Variants in DPYS observed in about 807,000 individuals in gnomAD.
DPYS encodes the protein dihydropyrimidine amidohydrolase.
DPYS carries 39 observed loss-of-function variants against 50.3 expected under a neutral mutation model. The ratio of observed to expected loss-of-function variants is 0.78; its 90% CI spans 0.60 to 1.01. The LOEUF is 1.01. DPYS is among the 50% of genes least tolerant of loss of function. DPYS has a pLI of 0.00. For missense variants in DPYS, 659 were observed against 680.9 expected (o/e 0.97, Z 0.36); for synonymous variants, 245 against 250.7 (o/e 0.98, Z 0.22).
At chr8:104,414,694 C>A (rs2333874) in intron 7 of DPYS, among the ~76,000 whole-genome samples, 105,466 of 151,960 alleles carry the variant, frequency 0.69, 37,281 homozygotes, top group African/African-American at 0.8. Context: ...GTACAATAAG[C>A]ATATAAGGAC....
intron 7 of DPYS, among the ~76,000 whole-genome samples, chr8:104,423,244 C>T (rs1305947172): frequency 2.6e-5 from 4 of 152,092 alleles, no homozygotes; most frequent in Non-Finnish European, 5.9e-5. Flanking sequence ...GCTATGACTA[C>T]GGCCTGCCAA....
intron 8 of DPYS, among the ~76,000 whole-genome samples, chr8:104,390,499 CTT>C (rs551429478): frequency 9.2e-5 from 13 of 141,680 alleles, no homozygotes; most frequent in Non-Finnish European, 1.4e-4. Flanking sequence ...TTCTCTTTAA[CTT>C]TTTTTTTTTT....
chr8:104,379,794 A>G lies in DPYS; in HGVS notation c.*64T>C, dbSNP rs1181422640. The stretch of plus-strand genomic sequence containing the variant: ...AGGCCTGCTTCTCCATGGGTTGACA[A>G]TGTTTGGCTGTGAAGGGAATGGCAG... On this transcript the variant is annotated 3_prime_UTR_variant, in exon 10 of 10. Transcript: ENST00000351513. The G allele has an allele frequency of 6.6e-6, 3 of 456,584 alleles. No homozygotes were observed. The highest frequency in any genetic ancestry group is 7.0e-5 in the East Asian group (1 of 14,384). The allele number at this position is 456,584 out of a possible 1,614,324, so 28.3% of individuals were successfully genotyped here. A position where few individuals can be genotyped will look rare whatever the true frequency, so the allele number is the denominator to read the frequency against.
intron 7 of DPYS, among the ~76,000 whole-genome samples, chr8:104,408,835 T>TA (rs1227147724): frequency 6.6e-6 from 1 of 150,952 alleles, no homozygotes; most frequent in Non-Finnish European, 1.5e-5. Flanking sequence ...TTTTTTGAGA[T>TA]AGAGTTTCAC....
At chr8:104,384,864 T>C (rs966509181) in intron 8 of DPYS, among the ~76,000 whole-genome samples, 1 of 152,224 alleles carries the variant, frequency 6.6e-6, no homozygotes. Context: ...TTTTCTCGCC[T>C]TCTGGGACTC....
intron 7 of DPYS, among the ~76,000 whole-genome samples, chr8:104,418,342 T>C (rs1812434288): frequency 6.6e-6 from 1 of 152,164 alleles, no homozygotes; most frequent in Non-Finnish European, 1.5e-5. Context: ...CATCTAATGG[T>C]GTGAGACAAA....
intron 3 of DPYS, among the ~76,000 whole-genome samples, chr8:104,445,795 G>C (rs989655236): frequency 3.3e-5 from 5 of 152,138 alleles, no homozygotes; most frequent in African/African-American, 1.2e-4. Flanking sequence ...CCTGTAATCC[G>C]AGCACTTTGG....
At chr8:104,415,927 ACTAT>A (rs1237925135) in intron 7 of DPYS, among the ~76,000 whole-genome samples, 5 of 152,270 alleles carry the variant, frequency 3.3e-5, no homozygotes, top group Admixed American at 1.3e-4. Context: ...ACCTACTACT[ACTAT>A]CTATTACCAC....
Position 104,381,280 on chromosome 8 carries a change from T to C in DPYS, c.1478A>G (p.Tyr493Cys). ...CTPTPVERAP[Y>C]KGEVATLKSR... is the part of the protein sequence containing the mutation. ...TTTCAGTGTGGCGACTTCTCCCTTA[T>C]AGGGTGCACGCTCCACAGGGGTAGG... Residue 493 changes from tyrosine (Y) to cysteine (C), a missense_variant, in exon 9 of 10, where the codon TAT becomes TGT. By Grantham distance (194) the Tyr-to-Cys change is radical. Coordinates refer to ENST00000351513, the MANE Select transcript of DPYS (RefSeq NM_001385.3). 3.1e-6 allele frequency: 5 copies of C among 1,614,206 alleles called. No homozygotes were observed. The highest frequency in any genetic ancestry group is 1.1e-5 in the South Asian group (1 of 91,086).
intron 2 of DPYS, among the ~76,000 whole-genome samples, chr8:104,448,921 C>T (rs946354619): frequency 6.6e-6 from 1 of 152,192 alleles, no homozygotes; most frequent in Non-Finnish European, 1.5e-5. Context: ...ACTTGCTGAT[C>T]ACCTGTCGGC....
At chr8:104,429,485 T>C (rs1314610822) in intron 5 of DPYS, 60 bp downstream of exon 5, 1 of 1,610,308 alleles carries the variant, frequency 6.2e-7, no homozygotes, top group Non-Finnish European at 8.5e-7. Context: ...GAGGACGAGC[T>C]CCCTTCTACC....
At chr8:104,385,405 C>T (rs1187655881) in intron 8 of DPYS, among the ~76,000 whole-genome samples, 1 of 152,168 alleles carries the variant, frequency 6.6e-6, no homozygotes, top group Non-Finnish European at 1.5e-5. Flanking sequence ...ACAACTTTCT[C>T]AAGGAATACT....
intron 1 of DPYS, among the ~76,000 whole-genome samples, chr8:104,463,315 C>T (rs2140780708): frequency 6.6e-6 from 1 of 152,276 alleles, no homozygotes; most frequent in Non-Finnish European, 1.5e-5. Context: ...TTTTGATAAC[C>T]TTAACTGCCT....
rs1337730134 is a variant in DPYS, at chr8:104,451,266, C to T, written c.403G>A (p.Val135Met). ...TTTACCTGGTCACTCCACCACGTCA[C>T]TGCCACATGAAGGCTGTAGTCGCAG... ...VCCDYSLHVAVTWWSDQVKEE... is the reference protein window; with the variant it reads ...VCCDYSLHVAMTWWSDQVKEE... Residue 135 changes from valine to methionine, a missense_variant, in exon 2 of 10, where the codon GTG (valine) becomes ATG (methionine). By Grantham distance (21) the Val-to-Met change is conservative (BLOSUM62 1). Transcript: ENST00000351513. 1.2e-6 allele frequency: 2 copies of T among 1,613,964 alleles called. No individual in the cohort carries two copies. The highest frequency in any genetic ancestry group is 2.7e-5 in the African/African-American group (2 of 74,924).
At chr8:104,460,951 C>T (rs1225007965) in intron 1 of DPYS, among the ~76,000 whole-genome samples, 9 of 152,054 alleles carry the variant, frequency 5.9e-5, no homozygotes, top group Admixed American at 5.9e-4. Flanking sequence ...GTAAGAAGTG[C>T]TACGTTTTTC....
chr8:104,399,846 G>A (rs1480356019), intron 7 of DPYS, among the ~76,000 whole-genome samples: 2 of 113,640 alleles, frequency 1.8e-5, no homozygotes, highest in African/African-American at 6.8e-5. Flanking sequence ...TCCAGCCTGG[G>A]AGACAGCAAG....
At chr8:104,450,223 G>A (rs16871466) in intron 2 of DPYS, among the ~76,000 whole-genome samples, 5,866 of 151,664 alleles carry the variant, frequency 0.039, 390 homozygotes, top group African/African-American at 0.13. Context: ...AAGGAGGGAC[G>A]ATCCTAAAAG....
chr8:104,386,637 T>G, intron 8 of DPYS, among the ~76,000 whole-genome samples: 1 of 151,974 alleles, frequency 6.6e-6, no homozygotes, highest in East Asian at 1.9e-4. Context: ...TTTATTTATT[T>G]ATTTTTTTGA....
chr8:104,407,809 A>G (rs1011064454), intron 7 of DPYS, among the ~76,000 whole-genome samples: 3 of 152,176 alleles, frequency 2.0e-5, no homozygotes, highest in Non-Finnish European at 4.4e-5. Context: ...GGAGAATAAT[A>G]TACTAACTAG....
Sources: allele counts gnomAD v4.1 joint callset (sites outside exome capture counted in the v4.1 genomes callset), GRCh38; gene constraint gnomAD v4.1.1; transcripts MANE v1.5; gene names NCBI Gene and HGNC (gene_info 2026-07-23, HGNC 2026-07-21).